FBP1: variants seen among roughly 807,000 people sequenced by gnomAD.
FBP1 encodes the protein fructose-bisphosphatase 1.
A neutral mutation model predicts 29.9 loss-of-function variants in FBP1; 22 were observed. The ratio of observed to expected loss-of-function variants is 0.74; its 90% CI spans 0.53 to 1.05. The LOEUF (loss-of-function observed/expected upper bound fraction) is 1.05, where lower values mean the gene tolerates loss of function less well. Ranked by LOEUF, FBP1 falls within the 50% of genes least tolerant of loss-of-function variation. The pLI is 0.00. For synonymous variants in FBP1, 175 were observed against 178.6 expected, an observed-to-expected ratio of 0.98 and a Z score of 0.16; for missense variants, 345 against 448.2, an observed-to-expected ratio of 0.77 and a Z score of 2.08.
chr9:94,623,083 C>T (rs2131492531), intron 1 of FBP1, among the ~76,000 whole-genome samples: 1 of 152,242 alleles, frequency 6.6e-6, no homozygotes, highest in Non-Finnish European at 1.5e-5. Context: ...CTCCCAGGTT[C>T]AAGCGATTCT....
At chr9:94,622,222 G>T (rs28369690) in intron 1 of FBP1, among the ~76,000 whole-genome samples, 2 of 152,226 alleles carry the variant, frequency 1.3e-5, no homozygotes, top group African/African-American at 2.4e-5. Flanking sequence ...GCGGCAGGTT[G>T]TCATAGCCTG....
chr9:94,614,060 G>A (rs1159188331), intron 3 of FBP1, among the ~76,000 whole-genome samples: 1 of 150,358 alleles, frequency 6.7e-6, no homozygotes, highest in Non-Finnish European at 1.5e-5. Flanking sequence ...CAGCCTGGGC[G>A]ACACAGGAGA....
In FBP1 at chr9:94,606,952, C is replaced by A. The variant is rs1416353184; in HGVS notation, c.568G>T (p.Ala190Ser). 1 of 1,613,956 alleles carries A rather than the reference C, an allele frequency of 6.2e-7. No individual in the cohort carries two copies. The highest frequency in any genetic ancestry group is 1.3e-5 in the African/African-American group (1 of 74,908). The change falls in exon 5 of 7, where the codon GCC becomes TCC. Residue 190 changes from alanine to serine, a missense_variant and splice_region_variant. Physicochemically the swap from Ala to Ser is moderately conservative, Grantham distance 99. Transcript: ENST00000375326. Reference protein sequence around the residue: ...CGVNCFMLDPAIGEFILVDKD... With the variant: ...CGVNCFMLDPSIGEFILVDKD... ...TCCACCAAAATGAACTCCCCGATGG[C>A]CTTTTTAGACAAGGAAGGAAAGGTG...
At chr9:94,618,032 C>T (rs1016776819) in intron 2 of FBP1, among the ~76,000 whole-genome samples, 172 bp from the exon 3 acceptor site, 25 of 152,138 alleles carry the variant, frequency 1.6e-4, no homozygotes, top group Non-Finnish European at 3.2e-4. Context: ...CACAGATACA[C>T]ACACATACAC....
At position 94,613,923 on chromosome 9, in the gene FBP1, C is replaced by CA. The variant is rs536353078; in HGVS notation, c.426+3844dup. On this transcript the variant is annotated intron_variant, in intron 3 of 6. Coordinates refer to ENST00000375326, the MANE Select transcript of FBP1 (RefSeq NM_000507.4). ...TGAAACCCCGTCTCTACTAAAAATA[C>CA]AAAAAAAATTAGCCAAGCGTGGTGG... is the stretch of plus-strand genomic sequence containing the variant. Among the ~76,000 whole-genome samples, 156 of 148,452 alleles carry CA rather than the reference C, an allele frequency of 1.1e-3. 1 individual carries two copies. The South Asian group carries it at 0.028, about 27-fold the overall frequency.
chr9:94,614,089 A>C (rs957830020), intron 3 of FBP1, among the ~76,000 whole-genome samples: 3 of 150,370 alleles, frequency 2.0e-5, no homozygotes, highest in Admixed American at 6.6e-5. Flanking sequence ...CAAAAAAAGA[A>C]AAAAAGAAAG....
chr9:94,623,454 G>A (rs28369681), intron 1 of FBP1, among the ~76,000 whole-genome samples: 7 of 152,136 alleles, frequency 4.6e-5, no homozygotes, highest in African/African-American at 1.4e-4. Context: ...CTGCCCCCAC[G>A]CGGCTGTCAG....
rs28382860 is a variant in FBP1, at chr9:94,639,464, G to A, written c.-154C>T. 2 of 823,690 alleles carry A rather than the reference G, an allele frequency of 2.4e-6. No individual in the cohort carries two copies. Among genetic ancestry groups the A allele is most frequent in the African/African-American group, 3.4e-5 (2 of 59,378 alleles). The allele number at this position is 823,690 out of a possible 1,614,324, so 51.0% of individuals were successfully genotyped here. On this transcript the variant is annotated 5_prime_UTR_variant, in exon 1 of 7. Transcript: ENST00000375326. ...GGCCGCGGGACCTGGCGGGAGGACT[G>A]ACAGACCGACTGCCGCCCCGAGTGT... is the stretch of plus-strand genomic sequence containing the variant.
intron 1 of FBP1, among the ~76,000 whole-genome samples, chr9:94,635,946 G>C (rs1414266057): frequency 1.3e-5 from 2 of 152,170 alleles, no homozygotes; most frequent in East Asian, 3.8e-4. Context: ...TGTGTATTGT[G>C]ATCCCATTTT....
rs866104109 is a variant in FBP1, at chr9:94,609,805, T to C, written c.567+116A>G. The C allele has an allele frequency of 3.8e-5, 43 of 1,142,570 alleles. 1 individual carries two copies. The African/African-American group carries it at 4.1e-4, about 11-fold the overall frequency. The allele number at this position is 1,142,570 out of a possible 1,614,324, so 70.8% of individuals were successfully genotyped here. A position where few individuals can be genotyped will look rare whatever the true frequency, so the allele number is the denominator to read the frequency against. ...CCTTTCCACCACACATCATCATCTCTGTCCCTCCATGGGCATCACCTCCCA... is the reference window on the plus strand; with the variant it reads ...CCTTTCCACCACACATCATCATCTCCGTCCCTCCATGGGCATCACCTCCCA... On this transcript the variant is annotated intron_variant, in intron 4 of 6. Transcript: ENST00000375326.
chr9:94,625,480 A>G (rs1040477388), intron 1 of FBP1, among the ~76,000 whole-genome samples: 3 of 152,016 alleles, frequency 2.0e-5, no homozygotes, highest in Non-Finnish European at 4.4e-5. Context: ...CCACCAAGCC[A>G]TGCAGGCCCT....
intron 1 of FBP1, among the ~76,000 whole-genome samples, chr9:94,633,149 T>C (rs1375035107): frequency 6.6e-6 from 1 of 152,228 alleles, no homozygotes; most frequent in African/African-American, 2.4e-5. Flanking sequence ...GCATGGGCTC[T>C]GCATTCAATT....
At chr9:94,610,825 C>T (rs984162988) in intron 3 of FBP1, among the ~76,000 whole-genome samples, 2 of 152,044 alleles carry the variant, frequency 1.3e-5, no homozygotes, top group South Asian at 4.1e-4. Flanking sequence ...CTTAAGGAGA[C>T]AGCTCCTAAC....
Position 94,603,539 on chromosome 9 carries a change from A to C in FBP1, c.859T>G (p.Tyr287Asp), listed in dbSNP as rs1283731783. ...ATTCCCCCAGCCTTCTCCATGACGTAGGCCATGGGGTTGCATTCGTACAGC... is the reference window on the plus strand; with the variant it reads ...ATTCCCCCAGCCTTCTCCATGACGTCGGCCATGGGGTTGCATTCGTACAGC... ...RLLYECNPMAYVMEKAGGMAT... is the reference protein window; with the variant it reads ...RLLYECNPMADVMEKAGGMAT... Residue 287 changes from tyrosine to aspartate, a missense_variant, in exon 7 of 7, where the codon TAC becomes GAC. Transcript: ENST00000375326. 1 of 1,614,182 alleles carries C rather than the reference A, an allele frequency of 6.2e-7. No individual in the cohort carries two copies. The highest frequency in any genetic ancestry group is 8.5e-7 in the Non-Finnish European group (1 of 1,180,016).
chr9:94,636,216 A>G (rs1204968767), intron 1 of FBP1, among the ~76,000 whole-genome samples: 1 of 152,166 alleles, frequency 6.6e-6, no homozygotes, highest in East Asian at 1.9e-4. Flanking sequence ...ACAGTGGCTC[A>G]TACCTGTAAT....
At chr9:94,634,407 G>A (rs1276632882) in intron 1 of FBP1, among the ~76,000 whole-genome samples, 1 of 152,016 alleles carries the variant, frequency 6.6e-6, no homozygotes, top group African/African-American at 2.4e-5. Flanking sequence ...TCGTCTTCTG[G>A]AACTTTGTAC....
intron 1 of FBP1, among the ~76,000 whole-genome samples, chr9:94,637,845 T>G (rs544512582): frequency 6.6e-6 from 1 of 152,068 alleles, no homozygotes; most frequent in South Asian, 2.1e-4. Context: ...TCCCAGCACT[T>G]TGGGAGGCCA....
rs540407700 is a variant in FBP1, at chr9:94,629,970, C to A, written c.170+9171G>T. Among the ~76,000 whole-genome samples the A allele has an allele frequency of 3.0e-4, 46 of 152,242 alleles. 1 individual carries two copies. The highest frequency in any genetic ancestry group is 7.7e-4 in the East Asian group (4 of 5,178). Reference sequence around the variant, plus strand: ...CTACCTGGGACATTCGAAATTAGAACCTTACAGGCAGCCAGAGGTTTTTCT... The same window carrying A: ...CTACCTGGGACATTCGAAATTAGAAACTTACAGGCAGCCAGAGGTTTTTCT... On this transcript the variant is annotated intron_variant, in intron 1 of 6. Transcript: ENST00000375326.
At chr9:94,616,660 C>T (rs1827867838) in intron 3 of FBP1, among the ~76,000 whole-genome samples, 1 of 151,976 alleles carries the variant, frequency 6.6e-6, no homozygotes, top group Non-Finnish European at 1.5e-5. Context: ...TCTCAATCTC[C>T]TGACCTTGTG....
Sources: gnomAD v4.1 joint callset for allele counts (sites outside exome capture counted in the v4.1 genomes callset) on GRCh38, gnomAD v4.1.1 for gene constraint, MANE v1.5 for transcripts, NCBI Gene and HGNC (gene_info 2026-07-23, HGNC 2026-07-21) for gene names.